SBF2: variants seen among roughly 807,000 people sequenced by gnomAD.
SBF2 encodes SET binding factor 2, also known as myotubularin-related protein 13.
A neutral mutation model predicts 225.2 loss-of-function variants in SBF2; 112 were observed. That is an observed-to-expected ratio of 0.50 (90% CI 0.43 to 0.58). SBF2 has a LOEUF of 0.58. Among genes scored for constraint, SBF2 ranks in the 20% least tolerant of loss-of-function variants. The probability of loss-of-function intolerance (pLI) is 0.00; values close to 1 mark genes in which losing one functional copy is unlikely to be tolerated. For missense variants in SBF2, 1,996 were observed against 2,206.2 expected (o/e 0.90, Z 1.91); for synonymous variants, 763 against 773.3 (o/e 0.99, Z 0.22).
intron 1 of SBF2, among the ~76,000 whole-genome samples, chr11:10,234,663 T>C (rs1453671565): frequency 2.6e-5 from 4 of 152,034 alleles, no homozygotes; most frequent in Non-Finnish European, 5.9e-5. Context: ...CCCTATCAAA[T>C]GGTGGGATCA....
chr11:10,021,255 C>T (rs1318243131), intron 6 of SBF2, among the ~76,000 whole-genome samples: 1 of 152,092 alleles, frequency 6.6e-6, no homozygotes, highest in Non-Finnish European at 1.5e-5. Context: ...GAGCATTTTA[C>T]AAGATTATTT....
At chr11:9,799,078 G>T (rs1853324167) in intron 32 of SBF2, among the ~76,000 whole-genome samples, 1 of 151,986 alleles carries the variant, frequency 6.6e-6, no homozygotes, top group Non-Finnish European at 1.5e-5. Context: ...TTTTCTTGAT[G>T]ATTCTGACAT....
In SBF2 at chr11:9,989,471, C is replaced by T. The variant is rs747952384; in HGVS notation, c.1395+26G>A. ...ATAAATAAATAAATAAAATTAATGA[C>T]TGTCTAAATAAATATACTTACTTAC... On this transcript the variant is annotated intron_variant, in intron 13 of 39. Transcript: ENST00000256190. The T allele has an allele frequency of 2.3e-5, 31 of 1,331,564 alleles. No homozygotes were observed. The South Asian group carries it at 3.7e-4, about 16-fold the overall frequency. The allele number at this position is 1,331,564 out of a possible 1,614,324, so 82.5% of individuals were successfully genotyped here.
At chr11:9,968,731 A>T (rs1867130475) in intron 13 of SBF2, among the ~76,000 whole-genome samples, 186 bp from the exon 14 acceptor site, 1 of 152,220 alleles carries the variant, frequency 6.6e-6, no homozygotes, top group South Asian at 2.1e-4. Flanking sequence ...CATCTGATAC[A>T]GCTTGGCATC....
At chr11:10,224,619 T>A (rs1486708801) in intron 1 of SBF2, among the ~76,000 whole-genome samples, 1 of 152,156 alleles carries the variant, frequency 6.6e-6, no homozygotes, top group Non-Finnish European at 1.5e-5. Flanking sequence ...TACCTAAAGT[T>A]TTTTTAATAG....
At chr11:9,862,836 T>G (rs1050772972) in intron 17 of SBF2, among the ~76,000 whole-genome samples, 1 of 152,206 alleles carries the variant, frequency 6.6e-6, no homozygotes, top group East Asian at 1.9e-4. Flanking sequence ...TTTTACAAAT[T>G]GGTCTGTATA....
intron 1 of SBF2, among the ~76,000 whole-genome samples, chr11:10,217,103 T>C (rs1248542488): frequency 6.6e-6 from 1 of 152,152 alleles, no homozygotes; most frequent in Non-Finnish European, 1.5e-5. Context: ...TTTAATGTAA[T>C]AAAGTATCCT....
chr11:9,871,634 G>T (rs1858754896), intron 17 of SBF2, among the ~76,000 whole-genome samples: 1 of 151,936 alleles, frequency 6.6e-6, no homozygotes, highest in South Asian at 2.1e-4. Context: ...TGGGACTACA[G>T]GTGACCGCCA....
At chr11:9,899,055 T>TA (rs112470768) in intron 16 of SBF2, among the ~76,000 whole-genome samples, 30,680 of 147,542 alleles carry the variant, frequency 0.21, 3,993 homozygotes, top group Non-Finnish European at 0.3. Context: ...AAATAAAGAT[T>TA]AAAAAAAAAA....
chr11:10,261,723 C>T (rs532609065), intron 1 of SBF2, among the ~76,000 whole-genome samples: 2 of 152,070 alleles, frequency 1.3e-5, no homozygotes, highest in Non-Finnish European at 1.5e-5. Context: ...GGAAACAGTC[C>T]GGGTATTCAT....
At chr11:10,202,340 C>T (rs1957595487) in intron 1 of SBF2, among the ~76,000 whole-genome samples, 1 of 152,196 alleles carries the variant, frequency 6.6e-6, no homozygotes, top group Non-Finnish European at 1.5e-5. Flanking sequence ...CAGCAGCAGC[C>T]TCATCATCTC....
At chr11:9,998,047 G>A (rs1463953519) in intron 9 of SBF2, among the ~76,000 whole-genome samples, 1 of 152,188 alleles carries the variant, frequency 6.6e-6, no homozygotes, top group Non-Finnish European at 1.5e-5. Flanking sequence ...AGGAAGGAAT[G>A]TAGAACAAAT....
chr11:10,034,187 A>G (rs1949357462), intron 3 of SBF2, among the ~76,000 whole-genome samples: 1 of 152,214 alleles, frequency 6.6e-6, no homozygotes, highest in Admixed American at 6.5e-5. Context: ...CAATACATAT[A>G]ATAATCACAT....
chr11:9,839,773 A>G (rs991004308), intron 25 of SBF2, 77 bp from the exon 26 acceptor site: 2 of 1,397,154 alleles, frequency 1.4e-6, no homozygotes, highest in Admixed American at 1.7e-5. Flanking sequence ...ACCTGTGGGG[A>G]GCTCACTCTC....
At chr11:9,996,592 T>A (rs1947714317) in intron 9 of SBF2, among the ~76,000 whole-genome samples, 1 of 152,126 alleles carries the variant, frequency 6.6e-6, no homozygotes, top group African/African-American at 2.4e-5. Context: ...GGTTTCACCA[T>A]GTTGGACAGG....
intron 2 of SBF2, among the ~76,000 whole-genome samples, chr11:10,082,685 C>A (rs1375571088): frequency 1.3e-5 from 2 of 152,058 alleles, no homozygotes; most frequent in Non-Finnish European, 2.9e-5. Context: ...AATTCAGCAT[C>A]CCTTTATAAT....
At chr11:10,010,221 G>A (rs1460254853) in intron 6 of SBF2, among the ~76,000 whole-genome samples, 1 of 152,110 alleles carries the variant, frequency 6.6e-6, no homozygotes, top group Non-Finnish European at 1.5e-5. Flanking sequence ...AGTTTCTTTT[G>A]CTGTGAAGAA....
At chr11:10,145,449 T>G (rs1020890130) in intron 2 of SBF2, among the ~76,000 whole-genome samples, 1 of 152,138 alleles carries the variant, frequency 6.6e-6, no homozygotes, top group African/African-American at 2.4e-5. Flanking sequence ...CACCCAGATT[T>G]AAGGAAAGAA....
At chr11:9,834,091 T>C (rs1241589963) in intron 26 of SBF2, among the ~76,000 whole-genome samples, 1 of 150,474 alleles carries the variant, frequency 6.6e-6, no homozygotes, top group Non-Finnish European at 1.5e-5. Context: ...TTATTTATTT[T>C]ATTTTTTATT....
Sources: allele counts gnomAD v4.1 joint callset (sites outside exome capture counted in the v4.1 genomes callset), GRCh38; gene constraint gnomAD v4.1.1; transcripts MANE v1.5; gene names NCBI Gene and HGNC (gene_info 2026-07-23, HGNC 2026-07-21).